The following RAD9B variants were observed in gnomAD, a reference collection of about 807,000 sequenced individuals.
The protein encoded by RAD9B is cell cycle checkpoint control protein RAD9B.
In RAD9B, 41 loss-of-function variants were observed where a neutral mutation model predicts 48.3. That is an observed-to-expected ratio of 0.85 (90% confidence interval 0.66 to 1.10). The LOEUF (loss-of-function observed/expected upper bound fraction) is 1.10. Ranked by LOEUF, RAD9B falls within the 50% of genes least tolerant of loss-of-function variation. The probability of loss-of-function intolerance (pLI) is 0.00; values close to 1 mark genes in which losing one functional copy is unlikely to be tolerated. For missense variants in RAD9B, 444 were observed against 485.1 expected (o/e 0.92, Z 0.80); for synonymous variants, 160 against 157.9 (o/e 1.01, Z -0.10).
intron 5 of RAD9B, among the ~76,000 whole-genome samples, chr12:110,513,101 G>C (rs1322355660): frequency 1.3e-5 from 2 of 151,662 alleles, no homozygotes; most frequent in African/African-American, 4.8e-5. Flanking sequence ...GAGTAGCTGG[G>C]ACTACAGGCG....
At position 110,530,978 on chromosome 12, in the gene RAD9B, A is replaced by C. The variant is rs2064120920; in HGVS notation, c.*325A>C. On this transcript the variant is annotated 3_prime_UTR_variant, in exon 11 of 11. Coordinates refer to ENST00000409300, the MANE Select transcript of RAD9B (RefSeq NM_001286535.2). ...CTTTGCTAGTTTTATAAAGGTATTT[A>C]AACTTTATTCAACAGCCATTTAGAG... is the stretch of plus-strand genomic sequence containing the variant. 1.9e-5 allele frequency: 20 copies of C among 1,036,318 alleles called. No individual in the cohort carries two copies. The highest frequency in any genetic ancestry group is 2.0e-5 in the Non-Finnish European group (17 of 862,844). 64.2% of individuals were successfully genotyped at this position (1,036,318 alleles called of 1,614,324 possible).
chr12:110,511,033 C>G (rs2063442805), intron 4 of RAD9B, among the ~76,000 whole-genome samples: 1 of 152,000 alleles, frequency 6.6e-6, no homozygotes. Flanking sequence ...AATTAACAAA[C>G]CAGATGTTGA....
At chr12:110,510,449 A>C (rs778147369) in intron 4 of RAD9B, among the ~76,000 whole-genome samples, 12 of 152,208 alleles carry the variant, frequency 7.9e-5, no homozygotes, top group African/African-American at 2.9e-4. Flanking sequence ...AGAATGCACC[A>C]TAAGTGTTAT....
chr12:110,509,458 G>C (rs1012743232), intron 4 of RAD9B, among the ~76,000 whole-genome samples: 2 of 151,776 alleles, frequency 1.3e-5, no homozygotes, highest in African/African-American at 4.8e-5. Context: ...AATTTTAATA[G>C]ATAACAAGGT....
chr12:110,526,921 AAAAG>A (rs1288088195), intron 10 of RAD9B, among the ~76,000 whole-genome samples: 2 of 151,378 alleles, frequency 1.3e-5, no homozygotes, highest in African/African-American at 2.4e-5. Context: ...AAAAAAAAAA[AAAAG>A]AAAAGAAACC....
chr12:110,519,580 A>G (rs1246404295), intron 8 of RAD9B, among the ~76,000 whole-genome samples: 1 of 150,802 alleles, frequency 6.6e-6, no homozygotes, highest in African/African-American at 2.4e-5. Flanking sequence ...ACAGGCATGC[A>G]CCATCATGCC....
intron 10 of RAD9B, among the ~76,000 whole-genome samples, chr12:110,525,562 A>G (rs533677027): frequency 9.9e-5 from 15 of 152,258 alleles, no homozygotes; most frequent in African/African-American, 3.1e-4. Context: ...CTCTTTGTAC[A>G]TCGTATCTGG....
Position 110,514,836 on chromosome 12 carries a change from A to G in RAD9B, c.489-214A>G, listed in dbSNP as rs185317375. Among the ~76,000 whole-genome samples, 17 of 152,356 alleles carry G rather than the reference A, an allele frequency of 1.1e-4. No homozygotes were observed. The East Asian group carries it at 3.3e-3, about 29-fold the overall frequency. ...TGTTTTACTAAGGATATATTTTGCT[A>G]TTCTCTTGGCCTTCAAATGAAGTTA... On this transcript the variant is annotated intron_variant, in intron 5 of 10. Coordinates refer to ENST00000409300, the MANE Select transcript of RAD9B (RefSeq NM_001286535.2).
chr12:110,528,165 G>A (rs943242528), intron 10 of RAD9B, among the ~76,000 whole-genome samples: 6 of 152,166 alleles, frequency 3.9e-5, no homozygotes, highest in African/African-American at 1.4e-4. Flanking sequence ...AGCTGAAAGT[G>A]TTATATGAAA....
rs767161289 is a variant in RAD9B, at chr12:110,506,639, A to G, written c.334A>G (p.Ile112Val). 5.0e-6 allele frequency: 8 copies of G among 1,606,066 alleles called. No individual in the cohort carries two copies. In the African/African-American group the frequency reaches 9.4e-5, roughly 19 times the overall value. ...SLERNIEKCR[I>V]FTRSDKCKVV... is the part of the protein sequence containing the mutation. ...TGAAAGAAATATAGAGAAGTGCAGA[A>G]TATTCACCAGATCTGATAAATGCAA... Residue 112 changes from isoleucine (I) to valine (V), a missense_variant, in exon 4 of 11, where the codon ATA becomes GTA. Transcript: ENST00000409300.
Position 110,520,625 on chromosome 12 carries a change from TTTC to T in RAD9B, c.890+712_890+714del, listed in dbSNP as rs1298864889. Reference sequence around the variant, plus strand: ...ATAGGGATAGCCATTGCTTTCTTGCTTTCTTTTTTTTTTTTTTTTTTGTTGTTT... The same window carrying T: ...ATAGGGATAGCCATTGCTTTCTTGCTTTTTTTTTTTTTTTTTTTGTTGTTT... On this transcript the variant is annotated intron_variant, in intron 9 of 10. Transcript: ENST00000409300. Among the ~76,000 whole-genome samples the T allele has an allele frequency of 2.2e-4, 18 of 82,168 alleles. No homozygotes were observed. The South Asian group carries it at 3.0e-3, about 14-fold the overall frequency. The allele number at this position is 82,168 out of a possible 152,430, so 53.9% of individuals were successfully genotyped here.
intron 10 of RAD9B, among the ~76,000 whole-genome samples, chr12:110,525,642 G>A (rs749676982): frequency 8.6e-5 from 13 of 151,932 alleles, no homozygotes; most frequent in Non-Finnish European, 1.6e-4. Context: ...GGTGTCTGCC[G>A]GCTCTCTACT....
chr12:110,530,185 G>A (rs938973955), intron 10 of RAD9B, among the ~76,000 whole-genome samples: 1 of 152,152 alleles, frequency 6.6e-6, no homozygotes, highest in African/African-American at 2.4e-5. Flanking sequence ...TAGGACTACA[G>A]GTGTCCGCCA....
At chr12:110,520,963 A>T (rs1426362786) in intron 9 of RAD9B, among the ~76,000 whole-genome samples, 1 of 151,106 alleles carries the variant, frequency 6.6e-6, no homozygotes, top group Non-Finnish European at 1.5e-5. Context: ...TTTCTTTCTT[A>T]ATTTCTTTTC....
chr12:110,511,051 C>T (rs944555410), intron 4 of RAD9B, among the ~76,000 whole-genome samples: 1 of 152,090 alleles, frequency 6.6e-6, no homozygotes, highest in Non-Finnish European at 1.5e-5. Context: ...TGAAATCTGT[C>T]AAAAGTCCTG....
intron 10 of RAD9B, among the ~76,000 whole-genome samples, chr12:110,522,666 G>A (rs1014031458): frequency 1.3e-5 from 2 of 152,108 alleles, no homozygotes; most frequent in African/African-American, 4.8e-5. Context: ...TTCAAGTAGA[G>A]GTTTGGGTCA....
intron 5 of RAD9B, among the ~76,000 whole-genome samples, chr12:110,513,719 TTATTATTATTA>T (rs1349968483): frequency 1.4e-3 from 204 of 147,012 alleles, no homozygotes; most frequent in African/African-American, 4.8e-3. Context: ...ATTATTATTA[TTATTATTATTA>T]TTATTATTTT....
At chr12:110,509,143 T>G (rs1404515201) in intron 4 of RAD9B, among the ~76,000 whole-genome samples, 1 of 152,050 alleles carries the variant, frequency 6.6e-6, no homozygotes, top group African/African-American at 2.4e-5. Flanking sequence ...TTTTTTTTTG[T>G]ATTTTTAGTA....
chr12:110,530,978 A>G lies in RAD9B; in HGVS notation c.*325A>G. ...CTTTGCTAGTTTTATAAAGGTATTT[A>G]AACTTTATTCAACAGCCATTTAGAG... On this transcript the variant is annotated 3_prime_UTR_variant, in exon 11 of 11. Coordinates refer to ENST00000409300, the MANE Select transcript of RAD9B (RefSeq NM_001286535.2). 9.6e-7 allele frequency: 1 copy of G among 1,036,318 alleles called. No individual in the cohort carries two copies. The highest frequency in any genetic ancestry group is 1.2e-6 in the Non-Finnish European group (1 of 862,844). 64.2% of individuals were successfully genotyped at this position (1,036,318 alleles called of 1,614,324 possible).
Sources: allele counts gnomAD v4.1 joint callset (sites outside exome capture counted in the v4.1 genomes callset), GRCh38; gene constraint gnomAD v4.1.1; transcripts MANE v1.5; gene names NCBI Gene and HGNC (gene_info 2026-07-23, HGNC 2026-07-21).